Variants in DNAH5 observed in about 807,000 individuals in gnomAD.
The protein encoded by DNAH5 is dynein axonemal heavy chain 5.
DNAH5 carries 372 observed loss-of-function variants against 518.2 expected under a neutral mutation model. The observed-to-expected ratio is 0.72, with a 90% confidence interval of 0.66 to 0.78. The LOEUF is 0.78. DNAH5 is among the 30% of genes least tolerant of loss of function. DNAH5 has a pLI of 0.00. For missense variants in DNAH5, 5,523 were observed against 5,687.0 expected (o/e 0.97, Z 0.93); for synonymous variants, 2,039 against 2,025.9 (o/e 1.01, Z -0.17).
chr5:13,750,866 T>C lies in DNAH5; in HGVS notation c.11211+212A>G, dbSNP rs6889428. ...GTATAAAGGCAATCGATGACATACG[T>C]AATTTATGAGACATTTGTGAAACAT... On this transcript the variant is annotated intron_variant, in intron 65 of 78. Coordinates refer to ENST00000265104, the MANE Select transcript of DNAH5 (RefSeq NM_001369.3). Among the ~76,000 whole-genome samples the C allele has an allele frequency of 0.35, 53,608 of 151,950 alleles. 9,764 individuals are homozygous for C. The highest frequency in any genetic ancestry group is 0.47 in the South Asian group (2,273 of 4,816).
chr5:14,000,651 A>T (rs1227409934), intron 1 of DNAH5, among the ~76,000 whole-genome samples: 4 of 147,328 alleles, frequency 2.7e-5, no homozygotes, highest in Non-Finnish European at 6.0e-5. Context: ...AAAAAAATGG[A>T]TGCTGGCAAG....
At chr5:13,708,415 A>G in intron 75 of DNAH5, 80 bp from the exon 76 acceptor site, 2 of 1,307,600 alleles carry the variant, frequency 1.5e-6, no homozygotes, top group Non-Finnish European at 2.2e-6. Context: ...GGGCCTCTGA[A>G]CAGGCCCAAA....
In DNAH5 at chr5:13,792,196, T is replaced by C. The variant is rs1757110482; in HGVS notation, c.8246A>G (p.Tyr2749Cys). ...TTCTGAGAAACCCCTCTGAGTACAGTAGTGGCCTACCCCAATCACACCTGA... is the reference window on the plus strand; with the variant it reads ...TTCTGAGAAACCCCTCTGAGTACAGCAGTGGCCTACCCCAATCACACCTGA... ...KIFGVIGVGH[Y>C]CTQRGFSEEV... The change falls in exon 50 of 79, where the codon TAC becomes TGC. Residue 2749 changes from tyrosine to cysteine, a missense_variant. Transcript: ENST00000265104. 6.2e-7 allele frequency: 1 copy of C among 1,613,986 alleles called. No homozygotes were observed. Among genetic ancestry groups the C allele is most frequent in the Admixed American group, 1.7e-5 (1 of 60,008 alleles).
chr5:13,850,829 G>T lies in DNAH5; in HGVS notation c.4951-14C>A. ...CCGCTTGGCTTCCTATGAGAACAAG[G>T]TAACAAAGCACACTTAGATTTGGAC... On this transcript the variant is annotated splice_polypyrimidine_tract_variant and intron_variant, in intron 30 of 78. Coordinates refer to ENST00000265104, the MANE Select transcript of DNAH5 (RefSeq NM_001369.3). The T allele has an allele frequency of 6.2e-7, 1 of 1,613,718 alleles. No individual in the cohort carries two copies. Among genetic ancestry groups the T allele is most frequent in the Non-Finnish European group, 8.5e-7 (1 of 1,179,742 alleles).
At chr5:13,757,005 G>A (rs1751085048) in intron 61 of DNAH5, among the ~76,000 whole-genome samples, 3 of 152,164 alleles carry the variant, frequency 2.0e-5, no homozygotes, top group Admixed American at 2.0e-4. Context: ...ATGGCCTCCA[G>A]TTCCATCTAG....
At chr5:13,955,058 C>T (rs1264131171) in intron 1 of DNAH5, among the ~76,000 whole-genome samples, 1 of 152,190 alleles carries the variant, frequency 6.6e-6, no homozygotes, top group African/African-American at 2.4e-5. Flanking sequence ...TCATGTGGAA[C>T]TGTAATCCCC....
intron 1 of DNAH5, among the ~76,000 whole-genome samples, chr5:13,971,498 A>G (rs2152057330): frequency 6.6e-6 from 1 of 152,162 alleles, no homozygotes; most frequent in Non-Finnish European, 1.5e-5. Context: ...CCCTTCCCCT[A>G]GGGATAGGGC....
intron 30 of DNAH5, among the ~76,000 whole-genome samples, chr5:13,855,674 C>T (rs994514659): frequency 3.0e-4 from 46 of 152,282 alleles, no homozygotes; most frequent in African/African-American, 1.1e-3. Context: ...ACTCTCCACC[C>T]CAAATCAACA....
At chr5:13,751,401 G>A (rs142163764) in intron 64 of DNAH5, 141 bp from the exon 65 acceptor site, 191 of 807,618 alleles carry the variant, frequency 2.4e-4, no homozygotes, top group East Asian at 2.0e-3. Flanking sequence ...GTCATGAGGC[G>A]TCTGCACAGC....
At position 13,959,517 on chromosome 5, in the gene DNAH5, G is replaced by A. The variant is rs547307029; in HGVS notation, c.13-28273C>T. On this transcript the variant is annotated intron_variant, in intron 1 of 78. Coordinates refer to the DNAH5 transcript ENST00000681290. ...ATGCCATGAGTGCAGGTCCCTTTTCGGACCAGCCCAGCGCCCAGGACAGTG... is the reference window on the plus strand; with the variant it reads ...ATGCCATGAGTGCAGGTCCCTTTTCAGACCAGCCCAGCGCCCAGGACAGTG... 7.2e-5 allele frequency among the ~76,000 whole-genome samples: 11 copies of A among 152,234 alleles called. No individual in the cohort carries two copies. The South Asian group carries it at 1.2e-3, about 17-fold the overall frequency.
intron 42 of DNAH5, among the ~76,000 whole-genome samples, chr5:13,816,580 G>A (rs1339120264): frequency 4.7e-5 from 7 of 149,100 alleles, no homozygotes; most frequent in Admixed American, 1.3e-4. Context: ...AAACCTCTGC[G>A]CTCTTGTTCT....
At chr5:13,782,285 T>A (rs147166025) in intron 52 of DNAH5, among the ~76,000 whole-genome samples, 33 of 152,342 alleles carry the variant, frequency 2.2e-4, no homozygotes, top group African/African-American at 6.7e-4. Flanking sequence ...TTCTCAGAAT[T>A]CCCTCACTAG....
chr5:13,865,162 T>C (rs772437603), intron 27 of DNAH5, among the ~76,000 whole-genome samples: 3 of 151,856 alleles, frequency 2.0e-5, no homozygotes, highest in Non-Finnish European at 2.9e-5. Context: ...GCCCAGCTAA[T>C]TTTTGTATTT....
At chr5:13,781,063 T>C in intron 52 of DNAH5, 104 bp from the exon 53 acceptor site, 3 of 1,320,048 alleles carry the variant, frequency 2.3e-6, no homozygotes, top group South Asian at 1.3e-5. Flanking sequence ...TTTTGGAAGA[T>C]ATAGGTGTCT....
intron 16 of DNAH5, among the ~76,000 whole-genome samples, chr5:13,892,218 G>C (rs1773341523): frequency 6.6e-6 from 1 of 152,154 alleles, no homozygotes; most frequent in Non-Finnish European, 1.5e-5. Flanking sequence ...AAGTATGTGT[G>C]AGCAATAAAA....
chr5:13,950,856 A>G (rs901848302), intron 1 of DNAH5, among the ~76,000 whole-genome samples: 1 of 150,272 alleles, frequency 6.7e-6, no homozygotes, highest in Non-Finnish European at 1.5e-5. Context: ...TAGAACCAAG[A>G]AAAAAAAAAC....
chr5:13,729,525 T>C lies in DNAH5; in HGVS notation c.11797A>G (p.Lys3933Glu), dbSNP rs1746209939. Residue 3933 changes from lysine (K) to glutamate (E), a missense_variant, in exon 69 of 79, where the codon AAA becomes GAA. Physicochemically the swap from Lys to Glu is moderately conservative, Grantham distance 56. Coordinates refer to ENST00000265104, the MANE Select transcript of DNAH5 (RefSeq NM_001369.3). ...ATGTCCAGGATCCATTTTGATGGTT[T>C]TGGAGGACAAGCTTTAAGGTCTAAT... ...ASLDLKACPP[K>E]PSKWILDITW... 2 of 1,613,812 alleles carry C rather than the reference T, an allele frequency of 1.2e-6. No homozygotes were observed. Among genetic ancestry groups the C allele is most frequent in the Non-Finnish European group, 1.7e-6 (2 of 1,179,838 alleles).
chr5:13,750,595 C>A (rs1750074722), intron 65 of DNAH5, among the ~76,000 whole-genome samples: 1 of 152,174 alleles, frequency 6.6e-6, no homozygotes, highest in African/African-American at 2.4e-5. Flanking sequence ...TACTACAGGG[C>A]TCTCTTAGAT....
intron 40 of DNAH5, among the ~76,000 whole-genome samples, chr5:13,820,769 A>G (rs924402388): frequency 1.1e-4 from 16 of 149,856 alleles, no homozygotes; most frequent in Non-Finnish European, 2.2e-4. Flanking sequence ...AGGTTGCAGT[A>G]AGCCGAGATT....
Sources: gnomAD v4.1 joint callset for allele counts (sites outside exome capture counted in the v4.1 genomes callset) on GRCh38, gnomAD v4.1.1 for gene constraint, MANE v1.5 for transcripts, NCBI Gene and HGNC (gene_info 2026-07-23, HGNC 2026-07-21) for gene names.